The following STX18 variants were observed in gnomAD, a reference collection of about 807,000 sequenced individuals.
STX18 encodes syntaxin-18.
STX18 carries 40 observed loss-of-function variants against 50.1 expected under a neutral mutation model. The ratio of observed to expected loss-of-function variants is 0.80; its 90% CI spans 0.62 to 1.04. The LOEUF is 1.04. Among genes scored for constraint, STX18 ranks in the 50% least tolerant of loss-of-function variants. STX18 has a pLI of 0.00. For missense variants in STX18, 410 were observed against 415.8 expected, an observed-to-expected ratio of 0.99 and a Z score of 0.12; for synonymous variants, 158 against 151.8, an observed-to-expected ratio of 1.04 and a Z score of -0.30.
intron 1 of STX18, among the ~76,000 whole-genome samples, chr4:4,526,061 G>A (rs1560210126): frequency 6.6e-6 from 1 of 152,288 alleles, no homozygotes; most frequent in South Asian, 2.1e-4. Context: ...AACACTGGAG[G>A]TGGGTAGGCT....
At chr4:4,510,087 T>C (rs2108890919) in intron 1 of STX18, among the ~76,000 whole-genome samples, 1 of 152,296 alleles carries the variant, frequency 6.6e-6, no homozygotes, top group Admixed American at 6.5e-5. Flanking sequence ...AGAGAATATT[T>C]AGAACTAGGG....
intron 7 of STX18, chr4:4,426,408 T>C (rs1011500921): frequency 1.3e-5 from 2 of 152,234 alleles, no homozygotes; most frequent in Non-Finnish European, 2.9e-5. Flanking sequence ...TCCGAATCGA[T>C]GGAAGATCTG....
chr4:4,520,853 T>C (rs953611747), intron 1 of STX18, among the ~76,000 whole-genome samples: 12 of 152,230 alleles, frequency 7.9e-5, no homozygotes, highest in Non-Finnish European at 1.0e-4. Flanking sequence ...CCTAGTGAAA[T>C]ATATCTTTCA....
At chr4:4,526,949 T>C (rs1730797859) in intron 1 of STX18, among the ~76,000 whole-genome samples, 1 of 152,256 alleles carries the variant, frequency 6.6e-6, no homozygotes, top group South Asian at 2.1e-4. Context: ...GATAGGTATT[T>C]AGAAGCTTTC....
At chr4:4,475,979 T>C (rs1318184746) in intron 1 of STX18, 2 of 152,200 alleles carry the variant, frequency 1.3e-5, no homozygotes, top group Non-Finnish European at 2.9e-5. Flanking sequence ...AGTCACTTAA[T>C]ATGATAAAGT....
chr4:4,477,450 AAAC>A (rs1448687131), intron 1 of STX18, among the ~76,000 whole-genome samples: 2 of 152,154 alleles, frequency 1.3e-5, no homozygotes, highest in African/African-American at 2.4e-5. Flanking sequence ...TGCCACCAAA[AAAC>A]AACAACAAAA....
chr4:4,437,074 C>T (rs1725829826), intron 6 of STX18, among the ~76,000 whole-genome samples: 1 of 151,866 alleles, frequency 6.6e-6, no homozygotes, highest in South Asian at 2.1e-4. Flanking sequence ...ATTCTCCTGC[C>T]TCAGCCTCCC....
intron 1 of STX18, among the ~76,000 whole-genome samples, chr4:4,539,576 A>G (rs944899645): frequency 1.3e-5 from 2 of 152,244 alleles, no homozygotes; most frequent in Admixed American, 6.5e-5. Flanking sequence ...GTCCCTGAAC[A>G]ACACAGCCCA....
At chr4:4,498,321 A>G (rs2108873981) in intron 1 of STX18, among the ~76,000 whole-genome samples, 1 of 152,320 alleles carries the variant, frequency 6.6e-6, no homozygotes, top group East Asian at 1.9e-4. Flanking sequence ...GTACTGCATA[A>G]TAAGATCAAT....
At chr4:4,426,823 C>T (rs911567975) in intron 7 of STX18, among the ~76,000 whole-genome samples, 4 of 152,146 alleles carry the variant, frequency 2.6e-5, no homozygotes, top group South Asian at 2.1e-4. Flanking sequence ...TGGCCTTGCC[C>T]GCTGACCCTA....
At chr4:4,526,452 C>A (rs999222355) in intron 1 of STX18, among the ~76,000 whole-genome samples, 2 of 152,152 alleles carry the variant, frequency 1.3e-5, no homozygotes, top group Admixed American at 6.5e-5. Flanking sequence ...AAATGGCAGT[C>A]AGGGTGGAGG....
At chr4:4,488,080 C>T (rs1400360409) in intron 1 of STX18, among the ~76,000 whole-genome samples, 1 of 151,640 alleles carries the variant, frequency 6.6e-6, no homozygotes, top group Non-Finnish European at 1.5e-5. Flanking sequence ...TATTTTAGTA[C>T]ACTCAAAAGG....
At chr4:4,498,119 A>T (rs1024338394) in intron 1 of STX18, among the ~76,000 whole-genome samples, 1 of 152,216 alleles carries the variant, frequency 6.6e-6, no homozygotes, top group Non-Finnish European at 1.5e-5. Flanking sequence ...CCTTTTCTAG[A>T]TAAGGGGAAT....
chr4:4,516,863 T>C (rs1218626107), intron 1 of STX18, among the ~76,000 whole-genome samples: 7 of 152,200 alleles, frequency 4.6e-5, no homozygotes, highest in Admixed American at 2.6e-4. Context: ...TATAAATTCA[T>C]AGTGAAAAAC....
At chr4:4,423,945 G>T in intron 8 of STX18, 1 of 318,648 alleles carries the variant, frequency 3.1e-6, no homozygotes, top group African/African-American at 2.2e-5. Context: ...TCTCCAGTAA[G>T]TTCTCTGCCT....
At chr4:4,488,306 TAA>T (rs971726152) in intron 1 of STX18, among the ~76,000 whole-genome samples, 4 of 149,048 alleles carry the variant, frequency 2.7e-5, no homozygotes, top group East Asian at 1.9e-4. Context: ...TACTGACATT[TAA>T]AAAAAAAAGT....
chr4:4,450,189 C>T (rs1239904674), intron 5 of STX18, among the ~76,000 whole-genome samples: 1 of 152,206 alleles, frequency 6.6e-6, no homozygotes, highest in African/African-American at 2.4e-5. Flanking sequence ...CATTTACAAC[C>T]ATAGTTACTT....
chr4:4,542,176 C>G (rs965898935), upstream of STX18: 3 of 547,404 alleles, frequency 5.5e-6, no homozygotes, highest in Non-Finnish European at 6.0e-6. Flanking sequence ...GAGGAGGAAC[C>G]TCGCGACGCG....
At chr4:4,498,950 A>G (rs1452375521) in intron 1 of STX18, among the ~76,000 whole-genome samples, 1 of 152,224 alleles carries the variant, frequency 6.6e-6, no homozygotes, top group Non-Finnish European at 1.5e-5. Flanking sequence ...CCTAGATAGC[A>G]TATACTAGCT....
Sources: gnomAD v4.1 joint callset for allele counts (sites outside exome capture counted in the v4.1 genomes callset) on GRCh38, gnomAD v4.1.1 for gene constraint, MANE v1.5 for transcripts, NCBI Gene and HGNC (gene_info 2026-07-23, HGNC 2026-07-21) for gene names.